NACC2: variants seen among roughly 807,000 people sequenced by gnomAD.
NACC2 encodes NACC family member 2.
NACC2 carries 8 observed loss-of-function variants against 25.1 expected under a neutral mutation model. That is an observed-to-expected ratio of 0.32 (90% CI 0.19 to 0.57). The LOEUF is 0.57. NACC2 is among the 20% of genes least tolerant of loss of function. NACC2 has a pLI of 0.89. For missense variants in NACC2, 644 were observed against 650.2 expected, an observed-to-expected ratio of 0.99 and a Z score of 0.10; for synonymous variants, 435 against 294.7, an observed-to-expected ratio of 1.48 and a Z score of -4.88.
At chr9:136,070,438 C>T (rs1289200506) in intron 1 of NACC2, among the ~76,000 whole-genome samples, 6 of 151,626 alleles carry the variant, frequency 4.0e-5, no homozygotes, top group African/African-American at 1.5e-4. Context: ...ACCCGGGAAG[C>T]GGAGGTTGCA....
intron 2 of NACC2, among the ~76,000 whole-genome samples, chr9:136,035,677 G>A (rs543090940): frequency 2.0e-5 from 3 of 151,196 alleles, no homozygotes; most frequent in East Asian, 1.9e-4. Context: ...TTTGCACAGC[G>A]TACTGTGATT....
Position 136,011,473 on chromosome 9 carries a change from G to A in NACC2, c.*43C>T. The stretch of plus-strand genomic sequence containing the variant: ...TTGTTTGTATTAGTAACGCATGCAA[G>A]CAGCTCTAGTACTCGGTCCCTCGCG... On this transcript the variant is annotated 3_prime_UTR_variant, in exon 6 of 6. Transcript: ENST00000277554. 2 of 1,328,864 alleles carry A rather than the reference G, an allele frequency of 1.5e-6. No individual in the cohort carries two copies. Among genetic ancestry groups the A allele is most frequent in the Non-Finnish European group, 1.9e-6 (2 of 1,040,398 alleles). The allele number at this position is 1,328,864 out of a possible 1,614,324, so 82.3% of individuals were successfully genotyped here. A position where few individuals can be genotyped will look rare whatever the true frequency, so the allele number is the denominator to read the frequency against.
intron 1 of NACC2, among the ~76,000 whole-genome samples, chr9:136,076,797 A>C (rs1830267314): frequency 6.6e-6 from 1 of 152,122 alleles, no homozygotes; most frequent in Non-Finnish European, 1.5e-5. Context: ...TCATGAGGTC[A>C]GGAGATCGAG....
chr9:136,019,768 T>C lies in NACC2; in HGVS notation c.887-3339A>G, dbSNP rs376607254. Among the ~76,000 whole-genome samples, 4 of 152,028 alleles carry C rather than the reference T, an allele frequency of 2.6e-5. No homozygotes were observed. Among genetic ancestry groups the C allele is most frequent in the South Asian group, 4.2e-4 (2 of 4,806 alleles). ...GACAAATGCTGCCCGGGGCGCGGGG[T>C]TGGGGCCTTCAGGGACCCAGAAGGA... On this transcript the variant is annotated intron_variant, in intron 2 of 5. Coordinates refer to ENST00000277554, the MANE Select transcript of NACC2 (RefSeq NM_144653.5). This position sits in a 1 kb window ranked among gnomAD's most constrained non-coding sequence, Gnocchi z 5.2.
At chr9:136,027,603 A>C (rs1235534169) in intron 2 of NACC2, among the ~76,000 whole-genome samples, 3 of 152,222 alleles carry the variant, frequency 2.0e-5, no homozygotes, top group African/African-American at 4.8e-5. Flanking sequence ...ATTAAGCAGT[A>C]CATTGCTACA....
chr9:136,089,880 A>G (rs141875132), intron 1 of NACC2, among the ~76,000 whole-genome samples: 313 of 152,210 alleles, frequency 2.1e-3, no homozygotes, highest in African/African-American at 7.3e-3. Context: ...GACACAGGCA[A>G]GATTAATGCC....
chr9:136,077,515 C>T (rs1421514267), intron 1 of NACC2, among the ~76,000 whole-genome samples: 1 of 152,170 alleles, frequency 6.6e-6, no homozygotes, highest in Non-Finnish European at 1.5e-5. Context: ...ACCTTTGCAA[C>T]ATATGTATCT....
intron 3 of NACC2, among the ~76,000 whole-genome samples, chr9:136,014,988 A>C (rs924792023): frequency 3.2e-3 from 37 of 11,426 alleles, no homozygotes; most frequent in African/African-American, 9.2e-3. Context: ...CATGTCCTGA[A>C]GGACACGATG....
rs916540248 is a variant in NACC2, at chr9:136,013,737, G to A, written c.1157+127C>T. 101 of 799,618 alleles carry A rather than the reference G, an allele frequency of 1.3e-4. 1 individual carries two copies. Among genetic ancestry groups the A allele is most frequent in the African/African-American group, 1.2e-3 (68 of 57,672 alleles). The allele number at this position is 799,618 out of a possible 1,614,324, so 49.5% of individuals were successfully genotyped here. ...CACCGTCCTGGGGCCGACCGGCCAC[G>A]GCTGAAGTCAGGAATGCGAGAGGGC... On this transcript the variant is annotated intron_variant, in intron 4 of 5. Transcript: ENST00000277554. The surrounding 1 kb of genome is among the most constrained non-coding windows in gnomAD (Gnocchi z 6.6).
chr9:136,013,319 A>G lies in NACC2; in HGVS notation c.1158-23T>C. 1 of 1,603,574 alleles carries G rather than the reference A, an allele frequency of 6.2e-7. No individual in the cohort carries two copies. The highest frequency in any genetic ancestry group is 8.5e-7 in the Non-Finnish European group (1 of 1,173,074). ...TTCCTGGTGGAGGGACCGGAAAGGC[A>G]GGCAGGGTGAGGATGATGGGGAGGG... On this transcript the variant is annotated intron_variant, in intron 4 of 5. Coordinates refer to ENST00000277554, the MANE Select transcript of NACC2 (RefSeq NM_144653.5). This position sits in a 1 kb window ranked among gnomAD's most constrained non-coding sequence, Gnocchi z 6.6.
At chr9:136,095,109 G>T (rs1830476556) in intron 1 of NACC2, 80 bp downstream of exon 1, 1 of 146,484 alleles carries the variant, frequency 6.8e-6, no homozygotes, top group Non-Finnish European at 1.5e-5. Flanking sequence ...GAGTTTGCGG[G>T]AAGTGCGGGC....
rs748843063 is a variant in NACC2 at position 136,086,737 on chromosome 9, G to A, written c.-60+8452C>T. ...ACCAGTGGCCCCGTTTCCCTCCCAC[G>A]ACCCCCGCTCAGCTTGGGCCTGGAG... On this transcript the variant is annotated intron_variant, in intron 1 of 5. Coordinates refer to ENST00000277554, the MANE Select transcript of NACC2 (RefSeq NM_144653.5). This position sits in a 1 kb window ranked among gnomAD's most constrained non-coding sequence, Gnocchi z 5.6. Among the ~76,000 whole-genome samples, 2 of 152,154 alleles carry A rather than the reference G, an allele frequency of 1.3e-5. No homozygotes were observed. Among genetic ancestry groups the A allele is most frequent in the Middle Eastern group, 3.4e-3 (1 of 294 alleles).
intron 1 of NACC2, among the ~76,000 whole-genome samples, chr9:136,061,728 G>T (rs2131171319): frequency 6.6e-6 from 1 of 152,244 alleles, no homozygotes; most frequent in South Asian, 2.1e-4. Context: ...GAACCAGCGA[G>T]AAGCCAGGTG....
In NACC2 at chr9:136,011,761, C is replaced by G. The variant is rs889531237; in HGVS notation, c.1519G>C (p.Val507Leu). ...AERRGDAATI[V>L]ALRTDAVNVD... ...TTCACGGCGTCAGTTCTCAGAGCCA[C>G]GATGGTGGCGGCGTCGCCCCGCCGC... Residue 507 changes from valine (V) to leucine (L), a missense_variant, in exon 6 of 6, where the codon GTG (valine) becomes CTG (leucine). Val to Leu is a conservative substitution (Grantham distance 32). Coordinates refer to ENST00000277554, the MANE Select transcript of NACC2 (RefSeq NM_144653.5). 3 of 1,539,758 alleles carry G rather than the reference C, an allele frequency of 1.9e-6. No individual in the cohort carries two copies. The highest frequency in any genetic ancestry group is 2.8e-5 in the African/African-American group (2 of 71,936).
At chr9:136,094,248 G>C (rs1344717584) in intron 1 of NACC2, among the ~76,000 whole-genome samples, 2 of 152,160 alleles carry the variant, frequency 1.3e-5, no homozygotes, top group African/African-American at 4.8e-5. Flanking sequence ...CCCGCGCGGG[G>C]GTTGGGGGAG....
intron 1 of NACC2, among the ~76,000 whole-genome samples, chr9:136,060,686 G>A (rs1033883570): frequency 6.6e-6 from 1 of 152,262 alleles, no homozygotes; most frequent in African/African-American, 2.4e-5. Flanking sequence ...GCCAGTGGGG[G>A]CTGCAGGACG....
chr9:136,032,291 C>A (rs1169615370), intron 2 of NACC2, among the ~76,000 whole-genome samples: 1 of 152,136 alleles, frequency 6.6e-6, no homozygotes, highest in Non-Finnish European at 1.5e-5. Flanking sequence ...GCAGTCAATG[C>A]AACTAAGCAC....
chr9:136,057,076 G>A (rs1379532981), intron 1 of NACC2, among the ~76,000 whole-genome samples: 2 of 152,308 alleles, frequency 1.3e-5, no homozygotes, highest in Non-Finnish European at 2.9e-5. Flanking sequence ...CTGGGAGGAC[G>A]CTCCATCCTC....
At chr9:136,085,081 A>C (rs1303624255) in intron 1 of NACC2, among the ~76,000 whole-genome samples, 1 of 148,632 alleles carries the variant, frequency 6.7e-6, no homozygotes, top group Non-Finnish European at 1.5e-5. Flanking sequence ...TTAATCAGAA[A>C]GTTTTTAAAA....
Sources: gnomAD v4.1 joint callset for allele counts (sites outside exome capture counted in the v4.1 genomes callset) on GRCh38, gnomAD v4.1.1 for gene constraint, Gnocchi (gnomAD v3.1) non-coding constraint, MANE v1.5 for transcripts, NCBI Gene and HGNC (gene_info 2026-07-23, HGNC 2026-07-21) for gene names.